The following COLEC10 variants were observed in gnomAD, a reference collection of about 807,000 sequenced individuals.
The protein encoded by COLEC10 is collectin-10.
In COLEC10, 22 loss-of-function variants were observed where a neutral mutation model predicts 28.4. The ratio of observed to expected loss-of-function variants is 0.78; its 90% CI spans 0.55 to 1.11. The LOEUF (loss-of-function observed/expected upper bound fraction) is 1.11. COLEC10 is among the 50% of genes least tolerant of loss of function. The pLI, the probability that COLEC10 is intolerant of heterozygous loss-of-function variation, is 0.00. For missense variants in COLEC10, 361 were observed against 344.1 expected (o/e 1.05, Z -0.39); for synonymous variants, 125 against 116.1 (o/e 1.08, Z -0.49).
intron 2 of COLEC10, among the ~76,000 whole-genome samples, chr8:119,054,665 A>T (rs781039802): frequency 2.0e-5 from 3 of 152,030 alleles, no homozygotes; most frequent in African/African-American, 7.2e-5. Flanking sequence ...TCTTGCTTCC[A>T]TTTTCTGTGA....
chr8:119,072,415 T>G (rs1398414080), intron 1 of COLEC10, among the ~76,000 whole-genome samples: 1 of 152,184 alleles, frequency 6.6e-6, no homozygotes, highest in African/African-American at 2.4e-5. Flanking sequence ...CTCAGTGAAC[T>G]TTGAGGAAAA....
intron 2 of COLEC10, among the ~76,000 whole-genome samples, chr8:119,020,361 A>G (rs1030805588): frequency 1.3e-5 from 2 of 152,202 alleles, no homozygotes; most frequent in African/African-American, 4.8e-5. Context: ...TTAGGTGCTT[A>G]GAATACATCA....
Position 119,103,799 on chromosome 8 carries a change from G to A in COLEC10, c.347-1G>A, listed in dbSNP as rs1220389994. The A allele has an allele frequency of 1.9e-6, 3 of 1,598,896 alleles. No homozygotes were observed. The highest frequency in any genetic ancestry group is 1.1e-5 in the South Asian group (1 of 90,728). ...AATTCACAGTTTTTGTCATTTAAAA[G>A]GTACTGTCTGTGATTGTGGAAGATA... On this transcript the variant is annotated splice_acceptor_variant, in intron 4 of 5. Coordinates refer to ENST00000332843, the MANE Select transcript of COLEC10 (RefSeq NM_006438.5). LOFTEE classifies it high-confidence loss of function.
upstream of COLEC10, chr8:119,063,324 A>G (rs2130200769): frequency 6.6e-6 from 1 of 152,330 alleles, no homozygotes; most frequent in South Asian, 2.1e-4. Flanking sequence ...CCTTAATACA[A>G]CGGACCTTTA....
intron 2 of COLEC10, among the ~76,000 whole-genome samples, chr8:119,040,181 T>G (rs1186318919): frequency 6.6e-6 from 1 of 152,182 alleles, no homozygotes; most frequent in Non-Finnish European, 1.5e-5. Context: ...CTCAGGTAAA[T>G]TATGTTTCTC....
chr8:119,055,282 A>G (rs772231383), intron 2 of COLEC10, among the ~76,000 whole-genome samples: 4 of 152,080 alleles, frequency 2.6e-5, no homozygotes, highest in Non-Finnish European at 5.9e-5. Context: ...CAAGGGGTAA[A>G]GGAAGAACAG....
At chr8:119,032,028 A>G (rs1212475150) in intron 2 of COLEC10, among the ~76,000 whole-genome samples, 2 of 152,158 alleles carry the variant, frequency 1.3e-5, no homozygotes, top group Non-Finnish European at 2.9e-5. Flanking sequence ...TATTCTCCCC[A>G]TTTTACAGAC....
At chr8:119,040,046 C>T (rs2130150772) in intron 2 of COLEC10, among the ~76,000 whole-genome samples, 2 of 152,212 alleles carry the variant, frequency 1.3e-5, no homozygotes, top group South Asian at 4.1e-4. Context: ...GAATGTTACC[C>T]TTTTACTCAC....
chr8:119,038,784 AC>A (rs1814436176), intron 2 of COLEC10, among the ~76,000 whole-genome samples: 1 of 152,134 alleles, frequency 6.6e-6, no homozygotes, highest in African/African-American at 2.4e-5. Context: ...TGTTTACTCA[AC>A]ACCCGTGGAT....
intron 1 of COLEC10, among the ~76,000 whole-genome samples, chr8:118,999,374 T>C (rs1370196487): frequency 6.6e-6 from 1 of 152,000 alleles, no homozygotes; most frequent in African/African-American, 2.4e-5. Flanking sequence ...ATGGATCACC[T>C]GAGGTCAGGA....
intron 2 of COLEC10, among the ~76,000 whole-genome samples, chr8:119,025,150 T>G (rs1262506814): frequency 2.0e-5 from 3 of 152,182 alleles, no homozygotes; most frequent in Non-Finnish European, 4.4e-5. Flanking sequence ...ATGTTGAAAT[T>G]GACTGCAAGT....
chr8:119,104,919 T>C (rs1197980564), intron 5 of COLEC10, among the ~76,000 whole-genome samples: 1 of 152,136 alleles, frequency 6.6e-6, no homozygotes, highest in African/African-American at 2.4e-5. Flanking sequence ...AAAATGCCTA[T>C]GTAGAGGCCG....
At chr8:119,014,876 C>A (rs772267064) in intron 2 of COLEC10, among the ~76,000 whole-genome samples, 14 of 151,070 alleles carry the variant, frequency 9.3e-5, no homozygotes, top group Non-Finnish European at 1.8e-4. Flanking sequence ...CAAAGGCATT[C>A]TTCATTTATG....
At chr8:118,976,315 C>A in the COLEC10 span, among the ~76,000 whole-genome samples, 1 of 152,046 alleles carries the variant, frequency 6.6e-6, no homozygotes, top group Non-Finnish European at 1.5e-5. Flanking sequence ...TCTAAGCCTG[C>A]ATCCTAGTCC....
intron 1 of COLEC10, among the ~76,000 whole-genome samples, chr8:119,069,301 T>C (rs1026500323): frequency 6.6e-6 from 1 of 151,956 alleles, no homozygotes; most frequent in Non-Finnish European, 1.5e-5. Flanking sequence ...TGATACCTTC[T>C]CTTAAGATAT....
At chr8:119,009,150 C>A (rs549840661) in intron 1 of COLEC10, among the ~76,000 whole-genome samples, 1 of 151,014 alleles carries the variant, frequency 6.6e-6, no homozygotes, top group African/African-American at 2.5e-5. Context: ...GAGGAAGAGA[C>A]CACTGGCCCA....
intron 1 of COLEC10, among the ~76,000 whole-genome samples, chr8:119,076,085 T>C (rs1054654237): frequency 4.2e-5 from 6 of 144,018 alleles, no homozygotes; most frequent in Non-Finnish European, 9.1e-5. Context: ...TTTTTTTTTT[T>C]TTTTTTAAGT....
rs371429886 is a variant in COLEC10, at chr8:119,013,489, GT to G, written n.235+3937del. ...TTCAATTATATTCAGTTGATTGATAGTGTGGTTGAGTTCAACTCAATGTCCT... is the reference window on the plus strand; with the variant it reads ...TTCAATTATATTCAGTTGATTGATAGGTGGTTGAGTTCAACTCAATGTCCT... On this transcript the variant is annotated intron_variant and non_coding_transcript_variant, in intron 2 of 6. Coordinates refer to the COLEC10 transcript ENST00000521788. 4.7e-4 allele frequency among the ~76,000 whole-genome samples: 71 copies of G among 150,726 alleles called. 5 individuals carry two copies. The highest frequency in any genetic ancestry group is 1.6e-3 in the African/African-American group (66 of 40,356).
intron 1 of COLEC10, among the ~76,000 whole-genome samples, chr8:119,077,243 ATTT>A (rs762180766): frequency 5.1e-3 from 457 of 90,220 alleles, no homozygotes; most frequent in African/African-American, 0.017. Flanking sequence ...GTAGAGAATG[ATTT>A]TTTTTTTTTT....
Sources: gnomAD v4.1 joint callset for allele counts (sites outside exome capture counted in the v4.1 genomes callset) on GRCh38, gnomAD v4.1.1 for gene constraint, MANE v1.5 for transcripts, NCBI Gene and HGNC (gene_info 2026-07-23, HGNC 2026-07-21) for gene names.